LRRK1: variants seen among roughly 807,000 people sequenced by gnomAD.
The protein encoded by LRRK1 is leucine-rich repeat serine/threonine-protein kinase 1.
LRRK1 carries 113 observed loss-of-function variants against 209.1 expected under a neutral mutation model. The observed-to-expected ratio is 0.54, with a 90% CI of 0.46 to 0.63. The LOEUF (loss-of-function observed/expected upper bound fraction) is 0.63, where lower values mean the gene tolerates loss of function less well. LRRK1 is among the 30% of genes least tolerant of loss of function. LRRK1 has a pLI of 0.00. For missense variants in LRRK1, 2,284 were observed against 2,632.2 expected, an observed-to-expected ratio of 0.87 and a Z score of 2.89; for synonymous variants, 1,144 against 1,099.7, an observed-to-expected ratio of 1.04 and a Z score of -0.80.
rs184940509 is a variant in LRRK1 at position 101,073,616 on chromosome 15, T to C, written c.*4768T>C. On this transcript the variant is annotated 3_prime_UTR_variant, in exon 34 of 34. Transcript: ENST00000388948. Reference sequence around the variant, plus strand: ...CCAACCTCTTATCTCTGTGCCCCAATCCCTTATTTCCATGCCCCCACCTCT... The same window carrying C: ...CCAACCTCTTATCTCTGTGCCCCAACCCCTTATTTCCATGCCCCCACCTCT... 13 of 152,132 alleles carry C rather than the reference T, an allele frequency of 8.5e-5. No individual in the cohort carries two copies. The highest frequency in any genetic ancestry group is 2.9e-4 in the African/African-American group (12 of 41,494). 9.4% of individuals were successfully genotyped at this position (152,132 alleles called of 1,614,324 possible).
intron 4 of LRRK1, among the ~76,000 whole-genome samples, chr15:100,988,353 G>A (rs150544861): frequency 1.3e-5 from 2 of 152,080 alleles, no homozygotes; most frequent in East Asian, 1.9e-4. Context: ...TTGTGTCCAC[G>A]TGCATTCAAT....
chr15:101,025,742 C>T (rs529341361), intron 16 of LRRK1, among the ~76,000 whole-genome samples: 1 of 152,322 alleles, frequency 6.6e-6, no homozygotes, highest in South Asian at 2.1e-4. Flanking sequence ...GGATCTGGCC[C>T]CATGACCCAA....
At position 101,010,664 on chromosome 15, in the gene LRRK1, T is replaced by C. The variant is rs774155294; in HGVS notation, c.1118-10T>C. The C allele has an allele frequency of 3.8e-6, 6 of 1,589,320 alleles. No individual in the cohort carries two copies. The African/African-American group carries it at 8.2e-5, about 22-fold the overall frequency. On this transcript the variant is annotated splice_polypyrimidine_tract_variant and intron_variant, in intron 8 of 33. Coordinates refer to ENST00000388948, the MANE Select transcript of LRRK1 (RefSeq NM_024652.6). ...CAATTCATACTTTGGGTCTTTTTTT[T>C]TTTTTTTAGCCACTAACTGGATAGG...
Position 101,024,763 on chromosome 15 carries a change from T to G in LRRK1, c.2068-40T>G. On this transcript the variant is annotated intron_variant, in intron 15 of 33. Transcript: ENST00000388948. This position sits in a 1 kb window ranked among gnomAD's most constrained non-coding sequence, Gnocchi z 4.6. The stretch of plus-strand genomic sequence containing the variant: ...CGTTTGATTGACTGAAGCCTTTGTC[T>G]CTAAAATGCCTCCCTGTCGCTGCCT... 1 of 1,595,838 alleles carries G rather than the reference T, an allele frequency of 6.3e-7. No individual in the cohort carries two copies. Among genetic ancestry groups the G allele is most frequent in the Non-Finnish European group, 8.6e-7 (1 of 1,166,014 alleles).
intron 12 of LRRK1, among the ~76,000 whole-genome samples, chr15:101,017,463 G>A (rs768683603): frequency 5.9e-5 from 9 of 152,164 alleles, no homozygotes; most frequent in Non-Finnish European, 1.2e-4. Flanking sequence ...CCCAGGAAGC[G>A]AACCGGTATT....
intron 4 of LRRK1, 131 bp downstream of exon 4, chr15:100,983,830 C>T (rs779008608): frequency 3.2e-6 from 3 of 951,984 alleles, no homozygotes; most frequent in Non-Finnish European, 1.7e-6. Flanking sequence ...CCATTGACAC[C>T]CAAACAAAGT....
chr15:101,052,888 G>C (rs1489913094), intron 24 of LRRK1, 34 bp from the exon 25 acceptor site: 4 of 1,594,874 alleles, frequency 2.5e-6, no homozygotes, highest in East Asian at 2.3e-5. Flanking sequence ...ATCAGGGCGG[G>C]GGGGATGTGG....
At chr15:101,039,832 C>T (rs997574067) in intron 20 of LRRK1, among the ~76,000 whole-genome samples, 4 of 152,098 alleles carry the variant, frequency 2.6e-5, no homozygotes, top group African/African-American at 4.8e-5. Context: ...CTTGTTCTGC[C>T]TCTGTTAATT....
Position 100,972,353 on chromosome 15 carries a change from AGAGAGAGAGAGTGTGTGTGT to A in LRRK1, c.98-1449_98-1430del, listed in dbSNP as rs2030957525. 2.2e-5 allele frequency among the ~76,000 whole-genome samples: 3 copies of A among 133,944 alleles called. No individual in the cohort carries two copies. In the East Asian group the frequency reaches 6.0e-4, roughly 27 times the overall value. 87.9% of individuals were successfully genotyped at this position (133,944 alleles called of 152,430 possible). On this transcript the variant is annotated intron_variant, in intron 2 of 33. Coordinates refer to ENST00000388948, the MANE Select transcript of LRRK1 (RefSeq NM_024652.6). ...ATATATATGAGAGAGAGAGAGAGAGAGAGAGAGAGAGTGTGTGTGTGTGTGTGTGTGTGTGTGTGTGTGTG... is the reference window on the plus strand; with the variant it reads ...ATATATATGAGAGAGAGAGAGAGAGAGTGTGTGTGTGTGTGTGTGTGTGTG...
chr15:101,015,988 C>T (rs972212105), intron 12 of LRRK1, among the ~76,000 whole-genome samples: 5 of 143,298 alleles, frequency 3.5e-5, no homozygotes, highest in Admixed American at 6.9e-5. Context: ...TCTTCCTCTT[C>T]TTTTTTTTTT....
rs772297822 is a variant in LRRK1 at position 101,048,687 on chromosome 15, G to A, written c.3299+30G>A. ...GAACACCTGGAAGCCCACCTGCCAG[G>A]TCAGCAGGTGCCACAGCAGCCACCG... On this transcript the variant is annotated intron_variant, in intron 22 of 33. Coordinates refer to ENST00000388948, the MANE Select transcript of LRRK1 (RefSeq NM_024652.6). The A allele has an allele frequency of 2.7e-6, 4 of 1,479,772 alleles. No homozygotes were observed. In the African/African-American group the frequency reaches 4.4e-5, roughly 16 times the overall value. The allele number at this position is 1,479,772 out of a possible 1,614,324, so 91.7% of individuals were successfully genotyped here. A position where few individuals can be genotyped will look rare whatever the true frequency, so the allele number is the denominator to read the frequency against.
chr15:100,932,456 C>T (rs753778735), intron 2 of LRRK1, among the ~76,000 whole-genome samples: 4 of 152,224 alleles, frequency 2.6e-5, no homozygotes, highest in Admixed American at 6.5e-5. Context: ...ATCCAACCAT[C>T]TTTCATCAAT....
chr15:101,034,532 C>A (rs2034420437), intron 20 of LRRK1, among the ~76,000 whole-genome samples: 1 of 152,010 alleles, frequency 6.6e-6, no homozygotes, highest in Admixed American at 6.6e-5. Context: ...ACTGTAGGTT[C>A]TTAGCACCTT....
In LRRK1 at chr15:100,973,902, G is replaced by T. The variant is rs1481018763; in HGVS notation, c.196G>T (p.Asp66Tyr). Reference protein sequence around the residue: ...EGIRAAYRRGDRGGARDLLEE... With the variant: ...EGIRAAYRRGYRGGARDLLEE... ...CATCCGCGCCGCGTACAGGCGGGGA[G>T]ACCGCGGCGGCGCCCGGGACCTGCT... The change falls in exon 3 of 34, where the codon GAC becomes TAC. Residue 66 changes from aspartate to tyrosine, a missense_variant. By Grantham distance (160) the Asp-to-Tyr change is radical. Around this residue, in one of 6 missense-constraint regions of LRRK1, gnomAD observed 174 missense variants for 133.5 expected, o/e 1.30. Coordinates refer to ENST00000388948, the MANE Select transcript of LRRK1 (RefSeq NM_024652.6). 1 of 1,269,164 alleles carries T rather than the reference G, an allele frequency of 7.9e-7. No individual in the cohort carries two copies. 78.6% of individuals were successfully genotyped at this position (1,269,164 alleles called of 1,614,324 possible).
intron 26 of LRRK1, among the ~76,000 whole-genome samples, chr15:101,054,643 C>T (rs2035684194): frequency 6.6e-6 from 1 of 152,120 alleles, no homozygotes. Context: ...CCCATGTCTA[C>T]TAAAAATACG....
rs925745731 is a variant in LRRK1 at position 101,070,294 on chromosome 15, C to A, written c.*1446C>A. 1 of 144,324 alleles carries A rather than the reference C, an allele frequency of 6.9e-6. No individual in the cohort carries two copies. Among genetic ancestry groups the A allele is most frequent in the Non-Finnish European group, 1.5e-5 (1 of 66,452 alleles). 8.9% of individuals were successfully genotyped at this position (144,324 alleles called of 1,614,324 possible). On this transcript the variant is annotated 3_prime_UTR_variant, in exon 34 of 34. Coordinates refer to ENST00000388948, the MANE Select transcript of LRRK1 (RefSeq NM_024652.6). ...CTGTCAGTCACAGGCTTGGAAAAAGCGAGTCCCCCCACTCTTTTTTTTTTT... is the reference window on the plus strand; with the variant it reads ...CTGTCAGTCACAGGCTTGGAAAAAGAGAGTCCCCCCACTCTTTTTTTTTTT...
At position 101,066,200 on chromosome 15, in the gene LRRK1, C is replaced by G. The variant is rs1019892722; in HGVS notation, c.5763C>G (p.Val1921=). ...KILAVRDLIW[V]PRRGGDVIVI... The stretch of plus-strand genomic sequence containing the variant: ...TCGCCGTCAGAGACCTCATTTGGGT[C>G]CCCAGGTACGTTTCCCGAGGTGAGG... Residue 1921 remains valine (V), a synonymous_variant, in exon 32 of 34, where the codon GTC becomes GTG. Coordinates refer to ENST00000388948, the MANE Select transcript of LRRK1 (RefSeq NM_024652.6). The G allele has an allele frequency of 2.5e-6, 4 of 1,604,224 alleles. No homozygotes were observed. Among genetic ancestry groups the G allele is most frequent in the Non-Finnish European group, 3.4e-6 (4 of 1,174,440 alleles).
chr15:100,937,398 C>A (rs745398008), intron 2 of LRRK1, among the ~76,000 whole-genome samples: 1 of 152,016 alleles, frequency 6.6e-6, no homozygotes, highest in Non-Finnish European at 1.5e-5. Flanking sequence ...GCCTCAGAAA[C>A]CACAGTTTTT....
intron 10 of LRRK1, 56 bp downstream of exon 10, chr15:101,012,201 G>A (rs536810955): frequency 1.9e-5 from 27 of 1,431,274 alleles, no homozygotes; most frequent in Middle Eastern, 3.6e-4. Flanking sequence ...AAATTGCTCC[G>A]TGTTGCAGTG....
Sources: allele counts gnomAD v4.1 joint callset (sites outside exome capture counted in the v4.1 genomes callset), GRCh38; gene constraint gnomAD v4.1.1; regional missense constraint gnomAD v4.1.1; non-coding constraint Gnocchi (gnomAD v3.1); transcripts MANE v1.5; gene names NCBI Gene and HGNC (gene_info 2026-07-23, HGNC 2026-07-21).